CDH7: variants seen among roughly 807,000 people sequenced by gnomAD.
CDH7 encodes cadherin 7.
In CDH7, 25 loss-of-function variants were observed where a neutral mutation model predicts 71.8. The ratio of observed to expected loss-of-function variants is 0.35; its 90% confidence interval spans 0.25 to 0.49. The LOEUF (loss-of-function observed/expected upper bound fraction) is 0.49. Among genes scored for constraint, CDH7 ranks in the 20% least tolerant of loss-of-function variants. The pLI is 0.99. For synonymous variants in CDH7, 381 were observed against 363.8 expected (o/e 1.05, Z -0.54); for missense variants, 862 against 974.6 (o/e 0.88, Z 1.54).
chr18:65,787,131 G>A (rs1029554356), intron 2 of CDH7, among the ~76,000 whole-genome samples: 9 of 151,966 alleles, frequency 5.9e-5, no homozygotes, highest in African/African-American at 2.2e-4. Flanking sequence ...CAAAAAGTCA[G>A]GCATGAAACA....
intron 11 of CDH7, among the ~76,000 whole-genome samples, chr18:65,868,629 C>A (rs1913836561): frequency 6.6e-6 from 1 of 152,126 alleles, no homozygotes. Context: ...CTCTGAGTGT[C>A]TATTTTATAG....
At chr18:65,845,477 A>C (rs777811369) in intron 7 of CDH7, among the ~76,000 whole-genome samples, 11 of 152,112 alleles carry the variant, frequency 7.2e-5, no homozygotes, top group Non-Finnish European at 1.5e-4. Context: ...ATGGTCAAGA[A>C]AACTTTCTGA....
At chr18:65,856,194 C>A (rs1913349025) in intron 7 of CDH7, among the ~76,000 whole-genome samples, 1 of 152,122 alleles carries the variant, frequency 6.6e-6, no homozygotes. Flanking sequence ...CAACATTTGA[C>A]TACAACCTCC....
At chr18:65,845,044 G>A (rs573811163) in intron 7 of CDH7, among the ~76,000 whole-genome samples, 10 of 151,918 alleles carry the variant, frequency 6.6e-5, no homozygotes, top group Admixed American at 1.3e-4. Flanking sequence ...AAGTCTGGAC[G>A]TTGGCTCTAA....
chr18:65,798,610 G>T (rs1911001709), intron 2 of CDH7, among the ~76,000 whole-genome samples: 1 of 152,206 alleles, frequency 6.6e-6, no homozygotes, highest in African/African-American at 2.4e-5. Flanking sequence ...GGATTGGGCA[G>T]TAAAAGTTGT....
At chr18:65,763,762 C>T (rs114464811) in intron 2 of CDH7, among the ~76,000 whole-genome samples, 1,883 of 152,028 alleles carry the variant, frequency 0.012, 40 homozygotes, top group South Asian at 0.09. Context: ...GCTGGATGGA[C>T]ATTTTGTTTT....
chr18:65,876,299 T>C (rs1304325756), intron 11 of CDH7, among the ~76,000 whole-genome samples: 1 of 152,210 alleles, frequency 6.6e-6, no homozygotes, highest in African/African-American at 2.4e-5. Flanking sequence ...GCCTGCATCA[T>C]ACTTTTACTG....
intron 6 of CDH7, among the ~76,000 whole-genome samples, chr18:65,834,223 T>C (rs1388946142): frequency 1.3e-5 from 2 of 152,248 alleles, no homozygotes; most frequent in Non-Finnish European, 2.9e-5. Context: ...TGCATTGTTC[T>C]TTGAGAATGG....
At chr18:65,773,504 C>A (rs1395590485) in intron 2 of CDH7, among the ~76,000 whole-genome samples, 2 of 152,064 alleles carry the variant, frequency 1.3e-5, no homozygotes, top group African/African-American at 2.4e-5. Flanking sequence ...CAGGAATTGT[C>A]TTGAAAATAC....
intron 1 of CDH7, among the ~76,000 whole-genome samples, chr18:65,756,694 G>A (rs775747563): frequency 6.6e-6 from 1 of 152,202 alleles, no homozygotes; most frequent in Non-Finnish European, 1.5e-5. Flanking sequence ...ATAAGCCATT[G>A]CTTATTTATA....
chr18:65,838,801 G>A (rs888871790), intron 6 of CDH7, among the ~76,000 whole-genome samples: 5 of 152,126 alleles, frequency 3.3e-5, no homozygotes, highest in African/African-American at 9.7e-5. Context: ...TCCACTATTC[G>A]TTATAGTCAT....
Position 65,778,529 on chromosome 18 carries a change from C to CTTTTTTTTTT in CDH7, c.210+15488_210+15497dup, listed in dbSNP as rs1156727313. Among the ~76,000 whole-genome samples the CTTTTTTTTTT allele has an allele frequency of 5.9e-3, 494 of 84,236 alleles. 33 individuals carry two copies. The highest frequency in any genetic ancestry group is 0.017 in the African/African-American group (389 of 22,562). 55.3% of individuals were successfully genotyped at this position (84,236 alleles called of 152,430 possible). A position where few individuals can be genotyped will look rare whatever the true frequency, so the allele number is the denominator to read the frequency against. The stretch of plus-strand genomic sequence containing the variant: ...AATTTTTTGCCCCAGGCGTCTCACT[C>CTTTTTTTTTT]TTTTTTTTTTTTTTTTTTTTACATA... On this transcript the variant is annotated intron_variant, in intron 2 of 11. Transcript: ENST00000397968.
At chr18:65,837,975 A>G (rs986468057) in intron 6 of CDH7, among the ~76,000 whole-genome samples, 1 of 134,298 alleles carries the variant, frequency 7.4e-6, no homozygotes, top group South Asian at 2.4e-4. Flanking sequence ...CCCGGGCTGG[A>G]GTGCAGTGGT....
intron 2 of CDH7, among the ~76,000 whole-genome samples, chr18:65,784,435 G>A (rs190099567): frequency 1.3e-5 from 2 of 152,112 alleles, no homozygotes; most frequent in African/African-American, 4.8e-5. Flanking sequence ...GAAAAGGCCA[G>A]CGTGGCTAGT....
chr18:65,799,171 C>T (rs1013747938), intron 2 of CDH7, among the ~76,000 whole-genome samples: 60 of 151,958 alleles, frequency 3.9e-4, no homozygotes, highest in African/African-American at 1.4e-3. Flanking sequence ...CTAACAGAAG[C>T]CCCCATTAGG....
intron 11 of CDH7, among the ~76,000 whole-genome samples, chr18:65,872,496 A>G (rs1215624996): frequency 1.3e-5 from 2 of 152,178 alleles, no homozygotes; most frequent in African/African-American, 2.4e-5. Context: ...GAGATAGTGG[A>G]GAGAGTTTCA....
intron 7 of CDH7, 131 bp from the exon 8 acceptor site, chr18:65,857,683 TTA>T (rs1308705750): frequency 1.2e-6 from 1 of 817,818 alleles, no homozygotes; most frequent in East Asian, 2.5e-5. Context: ...AGGCATGCAT[TTA>T]TGTGATTAAT....
chr18:65,768,321 C>T (rs960451220), intron 2 of CDH7, among the ~76,000 whole-genome samples: 3 of 151,936 alleles, frequency 2.0e-5, no homozygotes, highest in Non-Finnish European at 4.4e-5. Flanking sequence ...CTGCAGCCTC[C>T]GCCTCCCGGT....
At chr18:65,867,881 A>C (rs866612152) in intron 11 of CDH7, among the ~76,000 whole-genome samples, 1 of 152,216 alleles carries the variant, frequency 6.6e-6, no homozygotes, top group African/African-American at 2.4e-5. Flanking sequence ...GGTCTCCTCC[A>C]GTATGTCTAT....
Sources: allele counts gnomAD v4.1 joint callset (sites outside exome capture counted in the v4.1 genomes callset), GRCh38; gene constraint gnomAD v4.1.1; transcripts MANE v1.5; gene names NCBI Gene and HGNC (gene_info 2026-07-23, HGNC 2026-07-21).